RARB: variants seen among roughly 807,000 people sequenced by gnomAD.
RARB encodes the protein HBV-activated protein.
A neutral mutation model predicts 51.9 loss-of-function variants in RARB; 17 were observed. That is an observed-to-expected ratio of 0.33 (90% CI 0.22 to 0.49). The LOEUF (loss-of-function observed/expected upper bound fraction) is 0.49, where lower values mean the gene tolerates loss of function less well. Ranked by LOEUF, RARB falls within the 20% of genes least tolerant of loss-of-function variation. The pLI, the probability that RARB is intolerant of heterozygous loss-of-function variation, is 0.99. For missense variants in RARB, 369 were observed against 550.8 expected (o/e 0.67, Z 3.30); for synonymous variants, 215 against 195.4 (o/e 1.10, Z -0.84).
At chr3:24,972,370 T>C (rs1240523166) in intron 2 of RARB, among the ~76,000 whole-genome samples, 1 of 152,110 alleles carries the variant, frequency 6.6e-6, no homozygotes, top group Non-Finnish European at 1.5e-5. Flanking sequence ...TACTGTACTT[T>C]CTTTTTATCC....
chr3:24,975,202 T>C (rs1308695791), intron 2 of RARB, among the ~76,000 whole-genome samples: 4 of 152,182 alleles, frequency 2.6e-5, no homozygotes, highest in African/African-American at 9.6e-5. Context: ...CTGGCTGTCA[T>C]GGTGAGAAGT....
chr3:25,203,906 C>G (rs1055121063), intron 5 of RARB, among the ~76,000 whole-genome samples: 1 of 152,134 alleles, frequency 6.6e-6, no homozygotes, highest in African/African-American at 2.4e-5. Flanking sequence ...AATTATGTGT[C>G]TTGGAGTTGC....
intron 5 of RARB, among the ~76,000 whole-genome samples, chr3:25,203,391 C>T (rs950625571): frequency 1.3e-5 from 2 of 152,114 alleles, no homozygotes; most frequent in Non-Finnish European, 2.9e-5. Context: ...ATCCAATTTG[C>T]CAGTCTGTGT....
At chr3:25,360,670 G>A (rs184882227) in intron 5 of RARB, among the ~76,000 whole-genome samples, 116 of 152,222 alleles carry the variant, frequency 7.6e-4, no homozygotes, top group African/African-American at 2.7e-3. Context: ...AAGCAGGCCT[G>A]GTGGTGACAA....
chr3:25,414,402 G>T (rs1203683735), intron 5 of RARB, among the ~76,000 whole-genome samples: 1 of 152,206 alleles, frequency 6.6e-6, no homozygotes, highest in Non-Finnish European at 1.5e-5. Flanking sequence ...TTATTGAATA[G>T]AAATATGCCT....
chr3:25,568,318 C>G (rs1257365651), intron 3 of RARB, among the ~76,000 whole-genome samples: 1 of 152,210 alleles, frequency 6.6e-6, no homozygotes, highest in African/African-American at 2.4e-5. Context: ...CTCCAAGACT[C>G]AGTTTCTTCA....
chr3:25,045,527 CTGTT>C (rs1394973519), intron 2 of RARB, among the ~76,000 whole-genome samples: 4 of 152,220 alleles, frequency 2.6e-5, no homozygotes, highest in African/African-American at 9.6e-5. Flanking sequence ...TTTGGGGCCT[CTGTT>C]TGTGTTCAAC....
At chr3:25,251,896 T>C (rs533332216) in intron 5 of RARB, among the ~76,000 whole-genome samples, 1 of 152,324 alleles carries the variant, frequency 6.6e-6, no homozygotes, top group Admixed American at 6.5e-5. Flanking sequence ...TTGTCTTTGC[T>C]TGTGTTTTTG....
chr3:25,000,283 A>AGT (rs1697132020), intron 2 of RARB, among the ~76,000 whole-genome samples: 1 of 152,146 alleles, frequency 6.6e-6, no homozygotes, highest in African/African-American at 2.4e-5. Context: ...CTTAATTCAA[A>AGT]GTAATACAAA....
chr3:24,956,586 T>C (rs1696019217), intron 2 of RARB, among the ~76,000 whole-genome samples: 1 of 152,190 alleles, frequency 6.6e-6, no homozygotes, highest in African/African-American at 2.4e-5. Flanking sequence ...CAGACACATT[T>C]GTGGCTTGAA....
intron 3 of RARB, among the ~76,000 whole-genome samples, chr3:25,065,586 A>T (rs772030997): frequency 6.6e-6 from 1 of 152,234 alleles, no homozygotes; most frequent in Non-Finnish European, 1.5e-5. Flanking sequence ...TGACCAAGAT[A>T]CAGATACGAT....
At chr3:25,505,225 A>G (rs532277977) in intron 3 of RARB, among the ~76,000 whole-genome samples, 3 of 152,338 alleles carry the variant, frequency 2.0e-5, no homozygotes, top group South Asian at 2.1e-4. Flanking sequence ...TACTCAAGGT[A>G]ACACAGTTAG....
chr3:25,490,434 T>C (rs975000484), intron 2 of RARB, among the ~76,000 whole-genome samples: 1 of 152,222 alleles, frequency 6.6e-6, no homozygotes, highest in African/African-American at 2.4e-5. Flanking sequence ...CATGTTATGG[T>C]AGAGCCATGT....
At chr3:24,952,675 T>C (rs576452525) in intron 2 of RARB, among the ~76,000 whole-genome samples, 8 of 152,186 alleles carry the variant, frequency 5.3e-5, no homozygotes, top group Non-Finnish European at 1.0e-4. Context: ...CACTGAAGAC[T>C]GCTGCTGCTT....
At chr3:25,210,187 C>G (rs1333563769) in intron 5 of RARB, among the ~76,000 whole-genome samples, 1 of 152,128 alleles carries the variant, frequency 6.6e-6, no homozygotes, top group Non-Finnish European at 1.5e-5. Context: ...AGTAACAAAG[C>G]TAGGCATGGC....
chr3:25,448,320 C>T (rs1179389753), intron 1 of RARB, among the ~76,000 whole-genome samples: 1 of 152,022 alleles, frequency 6.6e-6, no homozygotes, highest in African/African-American at 2.4e-5. Flanking sequence ...ATTTTCTTAA[C>T]ATTTTTAAAA....
rs1370373664 is a variant in RARB, at chr3:25,428,888, T to G, written c.157T>G (p.Ser53Ala). 2 of 1,596,004 alleles carry G rather than the reference T, an allele frequency of 1.3e-6. No homozygotes were observed. Among genetic ancestry groups the G allele is most frequent in the Non-Finnish European group, 1.7e-6 (2 of 1,167,832 alleles). ...TEWQHRHTAQ[S>A]IETQSTSSEE... ...ATGGCAGCATCGGCACACTGCTCAATGTAGGTTTATTTTTTTCCCTTCTTC... is the reference window on the plus strand; with the variant it reads ...ATGGCAGCATCGGCACACTGCTCAAGGTAGGTTTATTTTTTTCCCTTCTTC... Residue 53 changes from serine (S) to alanine (A), a missense_variant and splice_region_variant, in exon 1 of 8, where the codon TCA becomes GCA. Around this residue, in one of 9 missense-constraint regions of RARB, gnomAD observed 99 missense variants for 95.1 expected, o/e 1.04. Coordinates refer to ENST00000330688, the MANE Select transcript of RARB (RefSeq NM_000965.5).
intron 3 of RARB, among the ~76,000 whole-genome samples, chr3:25,530,073 C>T (rs761364511): frequency 5.9e-5 from 9 of 152,148 alleles, no homozygotes; most frequent in Admixed American, 1.3e-4. Flanking sequence ...TCAGCGCTGA[C>T]CTTGCTGGAT....
Position 25,414,260 on chromosome 3 carries a change from T to G in RARB, c.179-46933T>G, listed in dbSNP as rs190251764. Among the ~76,000 whole-genome samples the G allele has an allele frequency of 4.3e-4, 65 of 152,378 alleles. 1 individual carries two copies. The East Asian group carries it at 8.5e-3, about 20-fold the overall frequency. ...TGGCATGTATCAATAGTTCATTCCT[T>G]TTTATTGCCAAGAAGCTTTCCATTG... On this transcript the variant is annotated intron_variant, in intron 5 of 11. Coordinates refer to the RARB transcript ENST00000383772.
Sources: gnomAD v4.1 joint callset for allele counts (sites outside exome capture counted in the v4.1 genomes callset) on GRCh38, gnomAD v4.1.1 for gene constraint, gnomAD v4.1.1 regional missense constraint, MANE v1.5 for transcripts, NCBI Gene and HGNC (gene_info 2026-07-23, HGNC 2026-07-21) for gene names.